Variants in UBASH3B observed in about 807,000 individuals in gnomAD.
The protein encoded by UBASH3B is ubiquitin-associated and SH3 domain-containing protein B.
In UBASH3B, 37 loss-of-function variants were observed where a neutral mutation model predicts 83.4. The ratio of observed to expected loss-of-function variants is 0.44; its 90% CI spans 0.34 to 0.58. The LOEUF (loss-of-function observed/expected upper bound fraction) is 0.58, where lower values mean the gene tolerates loss of function less well. UBASH3B is among the 20% of genes least tolerant of loss of function. UBASH3B has a pLI of 0.01. For synonymous variants in UBASH3B, 304 were observed against 318.3 expected, an observed-to-expected ratio of 0.96 and a Z score of 0.48; for missense variants, 657 against 827.2, an observed-to-expected ratio of 0.79 and a Z score of 2.52.
intron 4 of UBASH3B, among the ~76,000 whole-genome samples, chr11:122,781,851 T>G (rs1157659551): frequency 6.6e-6 from 1 of 152,216 alleles, no homozygotes; most frequent in African/African-American, 2.4e-5. Flanking sequence ...AAGGATACAG[T>G]GTAAGCGAGA....
At chr11:122,707,946 T>A (rs1864145261) in intron 1 of UBASH3B, among the ~76,000 whole-genome samples, 1 of 152,160 alleles carries the variant, frequency 6.6e-6, no homozygotes, top group Non-Finnish European at 1.5e-5. Context: ...CCATCTGCCT[T>A]GGCCTCCCAA....
intron 1 of UBASH3B, among the ~76,000 whole-genome samples, chr11:122,699,175 C>T (rs1049832622): frequency 6.6e-6 from 1 of 152,162 alleles, no homozygotes; most frequent in African/African-American, 2.4e-5. Context: ...ATCTTTTCGC[C>T]CCTGATGGAG....
intron 1 of UBASH3B, among the ~76,000 whole-genome samples, chr11:122,718,948 G>A (rs1162447702): frequency 6.6e-6 from 1 of 152,148 alleles, no homozygotes; most frequent in Admixed American, 6.5e-5. Flanking sequence ...GAGGCAGGAG[G>A]ACCACCAGAG....
At chr11:122,714,644 C>T (rs914791146) in intron 1 of UBASH3B, among the ~76,000 whole-genome samples, 2 of 152,214 alleles carry the variant, frequency 1.3e-5, no homozygotes, top group Non-Finnish European at 2.9e-5. Flanking sequence ...TTGTGACCCT[C>T]AGTTTCCTCA....
At chr11:122,808,854 A>AT in intron 13 of UBASH3B, among the ~76,000 whole-genome samples, 1 of 152,242 alleles carries the variant, frequency 6.6e-6, no homozygotes, top group African/African-American at 2.4e-5. Flanking sequence ...AAGACAGAGA[A>AT]TTTTGTCTTG....
At chr11:122,676,908 C>A (rs1205662331) in intron 1 of UBASH3B, among the ~76,000 whole-genome samples, 1 of 152,164 alleles carries the variant, frequency 6.6e-6, no homozygotes, top group East Asian at 1.9e-4. Context: ...ATCACTCAAG[C>A]CCTTGCATTT....
chr11:122,772,785 G>GTGTT (rs1459269995), intron 1 of UBASH3B, among the ~76,000 whole-genome samples: 1 of 152,202 alleles, frequency 6.6e-6, no homozygotes, highest in East Asian at 1.9e-4. Context: ...ATTAGCCATT[G>GTGTT]TGTTTCTTTT....
At position 122,805,900 on chromosome 11, in the gene UBASH3B, C is replaced by T. The variant is rs1244335137; in HGVS notation, c.1596-510C>T. 2.6e-5 allele frequency among the ~76,000 whole-genome samples: 4 copies of T among 152,334 alleles called. No homozygotes were observed. In the East Asian group the frequency reaches 5.8e-4, roughly 22 times the overall value. ...CTTCATCTTTATGCTTTGCACTTCT[C>T]CTTGTGCCAAGTGTATGGTCTGTGT... On this transcript the variant is annotated intron_variant, in intron 11 of 13. Transcript: ENST00000284273.
intron 5 of UBASH3B, among the ~76,000 whole-genome samples, chr11:122,786,945 G>A (rs1382028312): frequency 6.6e-6 from 1 of 152,106 alleles, no homozygotes; most frequent in African/African-American, 2.4e-5. Context: ...CTGTGCCTCA[G>A]TTTTCCTGGG....
intron 1 of UBASH3B, among the ~76,000 whole-genome samples, chr11:122,699,173 G>A (rs932733764): frequency 2.0e-5 from 3 of 152,174 alleles, no homozygotes; most frequent in Non-Finnish European, 2.9e-5. Flanking sequence ...AAATCTTTTC[G>A]CCCCTGATGG....
At chr11:122,720,086 C>G (rs1006841103) in intron 1 of UBASH3B, among the ~76,000 whole-genome samples, 1 of 152,190 alleles carries the variant, frequency 6.6e-6, no homozygotes, top group Non-Finnish European at 1.5e-5. Context: ...AAACTCCTGG[C>G]TTTATGTACT....
intron 1 of UBASH3B, among the ~76,000 whole-genome samples, chr11:122,723,580 G>A (rs756800732): frequency 1.2e-4 from 19 of 152,214 alleles, no homozygotes; most frequent in Non-Finnish European, 2.5e-4. Context: ...GCAGGCCCCA[G>A]GCAAGTGTCT....
intron 4 of UBASH3B, among the ~76,000 whole-genome samples, chr11:122,781,316 C>A (rs1278520351): frequency 6.6e-6 from 1 of 152,194 alleles, no homozygotes; most frequent in Non-Finnish European, 1.5e-5. Context: ...ATCCCTCAAT[C>A]TCAAGGAAAT....
intron 1 of UBASH3B, among the ~76,000 whole-genome samples, chr11:122,664,094 G>C (rs1039083842): frequency 1.3e-5 from 2 of 152,116 alleles, no homozygotes; most frequent in African/African-American, 4.8e-5. Context: ...TGGGTATAAG[G>C]CTGTAAGATA....
At position 122,809,868 on chromosome 11, in the gene UBASH3B, G is replaced by A. The variant is rs760659311; in HGVS notation, c.1932G>A (p.Glu644=). The A allele has an allele frequency of 3.5e-5, 57 of 1,614,012 alleles. No homozygotes were observed. In the East Asian group the frequency reaches 1.2e-3, roughly 35 times the overall value. The change falls in exon 14 of 14, where the codon GAG becomes GAA. Residue 644 remains glutamate, a synonymous_variant. Transcript: ENST00000284273. ...CAACTGGGGGCTTCAACTGGAGAGA[G>A]ACCTTGCTTCAAGAATAAACCACAC... The part of the protein sequence containing the change: ...HGPTGGFNWR[E]TLLQE
chr11:122,763,022 T>C (rs1860472493), intron 1 of UBASH3B, among the ~76,000 whole-genome samples: 1 of 152,226 alleles, frequency 6.6e-6, no homozygotes, highest in South Asian at 2.1e-4. Context: ...AAGGCCGTTA[T>C]TACCGCCATT....
At position 122,794,753 on chromosome 11, in the gene UBASH3B, T is replaced by C. The variant is rs1187018631; in HGVS notation, c.1032T>C (p.Asp344=). The C allele has an allele frequency of 1.2e-6, 2 of 1,614,120 alleles. No individual in the cohort carries two copies. Among genetic ancestry groups the C allele is most frequent in the Non-Finnish European group, 1.7e-6 (2 of 1,180,016 alleles). ...CATCCAACTCTCTCACGTTTGGGGA[T>C]GGAGTATTGGAGAGGCGGCCTTATG... ...TSSSNSLTFG[D]GVLERRPYED... The change falls in exon 7 of 14, where the codon GAT becomes GAC. Residue 344 remains aspartate, a synonymous_variant. Transcript: ENST00000284273.
chr11:122,692,951 GAA>G (rs1277535750), intron 1 of UBASH3B, among the ~76,000 whole-genome samples: 1 of 152,224 alleles, frequency 6.6e-6, no homozygotes, highest in African/African-American at 2.4e-5. Flanking sequence ...GGGAGAGTCC[GAA>G]AAGAGAGTCA....
chr11:122,788,475 A>G (rs1169488314), intron 5 of UBASH3B, among the ~76,000 whole-genome samples: 1 of 152,164 alleles, frequency 6.6e-6, no homozygotes, highest in Admixed American at 6.5e-5. Context: ...AGGCTGAGGC[A>G]AGAGAATCAC....
Sources: allele counts gnomAD v4.1 joint callset (sites outside exome capture counted in the v4.1 genomes callset), GRCh38; gene constraint gnomAD v4.1.1; transcripts MANE v1.5; gene names NCBI Gene and HGNC (gene_info 2026-07-23, HGNC 2026-07-21).